NCOR1: variants seen among roughly 807,000 people sequenced by gnomAD.
NCOR1 encodes nuclear receptor corepressor 1.
Under a neutral mutation model 288.1 loss-of-function variants are expected in NCOR1, and 63 were observed. The observed-to-expected ratio is 0.22, with a 90% confidence interval of 0.18 to 0.27. The LOEUF is 0.27. Ranked by LOEUF, NCOR1 falls within the 10% of genes least tolerant of loss-of-function variation. The pLI is 1.00. For synonymous variants in NCOR1, 1,007 were observed against 1,065.9 expected (o/e 0.94, Z 1.08); for missense variants, 2,397 against 3,019.2 (o/e 0.79, Z 4.83).
intron 42 of NCOR1, among the ~76,000 whole-genome samples, chr17:16,041,766 T>G (rs541909708): frequency 7.8e-4 from 118 of 151,544 alleles, no homozygotes; most frequent in African/African-American, 2.8e-3. Flanking sequence ...AGACGGAGTC[T>G]CACTCTGCCG....
chr17:16,085,079 T>C (rs1393268806), intron 23 of NCOR1, among the ~76,000 whole-genome samples: 1 of 152,204 alleles, frequency 6.6e-6, no homozygotes, highest in East Asian at 1.9e-4. Context: ...AATAAAGATC[T>C]ACAACACAGT....
intron 18 of NCOR1, among the ~76,000 whole-genome samples, chr17:16,112,930 A>G (rs2153085483): frequency 6.6e-6 from 1 of 152,258 alleles, no homozygotes; most frequent in African/African-American, 2.4e-5. Flanking sequence ...ATTTATTTTG[A>G]GATGGAATCT....
chr17:16,197,397 C>T lies in NCOR1; in HGVS notation c.-70-2758G>A, dbSNP rs1250792605. ...ATATTTTAAATAAATATACCATCCT[C>T]CTCCTGATGTCATGTTTCCTGCTGT... On this transcript the variant is annotated intron_variant, in intron 1 of 45. Coordinates refer to ENST00000268712, the MANE Select transcript of NCOR1 (RefSeq NM_006311.4). 2.0e-5 allele frequency among the ~76,000 whole-genome samples: 3 copies of T among 152,088 alleles called. No homozygotes were observed. The South Asian group carries it at 6.2e-4, about 32-fold the overall frequency.
At chr17:16,095,751 G>A (rs1415790006) in intron 21 of NCOR1, among the ~76,000 whole-genome samples, 1 of 142,912 alleles carries the variant, frequency 7.0e-6, no homozygotes, top group African/African-American at 2.6e-5. Context: ...GGAGGTGAGG[G>A]GCGCCTCTGC....
intron 42 of NCOR1, chr17:16,040,783 T>C (rs1454557652): frequency 2.5e-6 from 1 of 397,714 alleles, no homozygotes; most frequent in African/African-American, 2.1e-5. Flanking sequence ...GTCCCCCAGC[T>C]ACTCAGCAGG....
At chr17:16,129,517 G>A (rs1390151551) in intron 14 of NCOR1, among the ~76,000 whole-genome samples, 2 of 152,152 alleles carry the variant, frequency 1.3e-5, no homozygotes, top group Admixed American at 6.6e-5. Context: ...ATAAACTAGG[G>A]AGATTTTAAA....
Position 16,186,610 on chromosome 17 carries a change from C to T in NCOR1, c.186G>A (p.Gln62=), listed in dbSNP as rs1291076431. ...AGGAAGGTCGCCTTCGAAGCTGTTG[C>T]TGCTGCTGTTGCTGCAAAAGCTGTG... ...QASQLLQQQQ[Q]QQLRRRPSLL... The change falls in exon 3 of 46, where the codon CAG becomes CAA. Residue 62 remains glutamine (Q), a synonymous_variant. Coordinates refer to ENST00000268712, the MANE Select transcript of NCOR1 (RefSeq NM_006311.4). 6.2e-7 allele frequency: 1 copy of T among 1,613,932 alleles called. No homozygotes were observed. The highest frequency in any genetic ancestry group is 8.5e-7 in the Non-Finnish European group (1 of 1,179,858).
intron 10 of NCOR1, among the ~76,000 whole-genome samples, chr17:16,146,104 C>G (rs1206018940): frequency 1.3e-5 from 2 of 152,060 alleles, no homozygotes; most frequent in African/African-American, 2.4e-5. Context: ...GCAGCATGCT[C>G]GTTAAGAGTC....
intron 19 of NCOR1, among the ~76,000 whole-genome samples, chr17:16,105,400 C>T (rs2068421557): frequency 6.6e-6 from 1 of 151,868 alleles, no homozygotes; most frequent in Non-Finnish European, 1.5e-5. Flanking sequence ...CTAGGTGACA[C>T]AGCGAGACCT....
In NCOR1 at chr17:16,072,205, T is replaced by C. The variant is rs777167758; in HGVS notation, c.3835A>G (p.Arg1279Gly). The part of the protein sequence containing the change: ...LEGLICRALP[R>G]GSPHSDLKER... ...TTGAGGTCAGAATGAGGACTCCCCC[T>C]GGGTAATGCTCGGCATATCAGCCCT... Residue 1279 changes from arginine to glycine, a missense_variant, in exon 29 of 46, where the codon AGG (arginine) becomes GGG (glycine). This residue lies in a region of NCOR1 where 1,872 missense variants were observed against 2,187.8 expected (regional missense o/e 0.86). Transcript: ENST00000268712. 3 of 1,612,114 alleles carry C rather than the reference T, an allele frequency of 1.9e-6. 1 individual carries two copies. In the South Asian group the frequency reaches 3.3e-5, roughly 18 times the overall value.
intron 14 of NCOR1, among the ~76,000 whole-genome samples, chr17:16,127,550 C>CATGTGTATATATGTATGTATATAT (rs1568204693): frequency 3.0e-5 from 4 of 133,272 alleles, no homozygotes; most frequent in Admixed American, 1.5e-4. Context: ...TGTATATATA[C>CATGTGTATATATGTATGTATATAT]ACATGTGTAT....
chr17:16,076,803 G>C (rs1240498051), intron 26 of NCOR1, among the ~76,000 whole-genome samples: 2 of 152,140 alleles, frequency 1.3e-5, no homozygotes, highest in Non-Finnish European at 2.9e-5. Context: ...AAGGTGGTCT[G>C]CTGCCAGTCT....
chr17:16,192,438 C>T lies in NCOR1; in HGVS notation c.108+2024G>A, dbSNP rs367867935. Among the ~76,000 whole-genome samples, 12 of 152,244 alleles carry T rather than the reference C, an allele frequency of 7.9e-5. No homozygotes were observed. The East Asian group carries it at 2.3e-3, about 29-fold the overall frequency. Reference sequence around the variant, plus strand: ...TGGAAGGCCGAGGAGGGTGGATCACCTGAGGTCAGGAGTTCAAGACCAGCC... The same window carrying T: ...TGGAAGGCCGAGGAGGGTGGATCACTTGAGGTCAGGAGTTCAAGACCAGCC... On this transcript the variant is annotated intron_variant, in intron 2 of 45. Coordinates refer to ENST00000268712, the MANE Select transcript of NCOR1 (RefSeq NM_006311.4).
At chr17:16,113,250 C>T (rs533609231) in intron 18 of NCOR1, among the ~76,000 whole-genome samples, 1 of 149,600 alleles carries the variant, frequency 6.7e-6, no homozygotes, top group East Asian at 2.0e-4. Flanking sequence ...TAACCATTTT[C>T]CAAAAAAAAA....
rs897031421 is a variant in NCOR1 at position 16,032,311 on chromosome 17, C to T, written c.7308G>A (p.Ser2436=). The part of the protein sequence containing the change: ...PLLSAQYETL[S]DSDD ...TTTGTGCAGTTCAGTCATCACTATCCGACAGGGTCTCGTACTGTGCTGAGA... is the reference window on the plus strand; with the variant it reads ...TTTGTGCAGTTCAGTCATCACTATCTGACAGGGTCTCGTACTGTGCTGAGA... Residue 2436 remains serine, a synonymous_variant, in exon 46 of 46, where the codon TCG becomes TCA. Transcript: ENST00000268712. The T allele has an allele frequency of 5.6e-6, 9 of 1,612,816 alleles. No homozygotes were observed. Among genetic ancestry groups the T allele is most frequent in the South Asian group, 2.2e-5 (2 of 90,756 alleles).
At chr17:16,110,937 C>T (rs1270560979) in intron 18 of NCOR1, among the ~76,000 whole-genome samples, 1 of 152,218 alleles carries the variant, frequency 6.6e-6, no homozygotes, top group East Asian at 1.9e-4. Context: ...TCAGAAGATT[C>T]TGTAAATTTT....
chr17:16,200,712 G>A (rs2090679398), intron 1 of NCOR1, among the ~76,000 whole-genome samples: 1 of 152,114 alleles, frequency 6.6e-6, no homozygotes, highest in Non-Finnish European at 1.5e-5. Flanking sequence ...GTAGGGCAAT[G>A]CCTTTATGAC....
Position 16,173,658 on chromosome 17 carries a change from G to A in NCOR1, c.243-1663C>T, listed in dbSNP as rs567838997. Among the ~76,000 whole-genome samples, 7 of 152,198 alleles carry A rather than the reference G, an allele frequency of 4.6e-5. No individual in the cohort carries two copies. The East Asian group carries it at 1.2e-3, about 25-fold the overall frequency. On this transcript the variant is annotated intron_variant, in intron 3 of 45. Transcript: ENST00000268712. ...AAAACAATACATTTATGCTGGGTGC[G>A]GTGGCTCACACCTGTCATCCCAGCA...
At chr17:16,180,724 A>G (rs142143108) in intron 3 of NCOR1, among the ~76,000 whole-genome samples, 2 of 152,176 alleles carry the variant, frequency 1.3e-5, no homozygotes, top group East Asian at 3.9e-4. Flanking sequence ...CTCCAGCCTG[A>G]GTGGCAGAGC....
Sources: allele counts gnomAD v4.1 joint callset (sites outside exome capture counted in the v4.1 genomes callset), GRCh38; gene constraint gnomAD v4.1.1; regional missense constraint gnomAD v4.1.1; transcripts MANE v1.5; gene names NCBI Gene and HGNC (gene_info 2026-07-23, HGNC 2026-07-21).